The following PRMT8 variants were observed in gnomAD, a reference collection of about 807,000 sequenced individuals.
PRMT8 encodes protein arginine N-methyltransferase 8.
Under a neutral mutation model 47.1 loss-of-function variants are expected in PRMT8, and 7 were observed. The observed-to-expected ratio is 0.15, with a 90% CI of 0.08 to 0.28. The LOEUF (loss-of-function observed/expected upper bound fraction) is 0.28, where lower values mean the gene tolerates loss of function less well. PRMT8 is among the 10% of genes least tolerant of loss of function. PRMT8 has a pLI of 1.00. For missense variants in PRMT8, 237 were observed against 505.4 expected, an observed-to-expected ratio of 0.47 and a Z score of 5.09; for synonymous variants, 188 against 186.5, an observed-to-expected ratio of 1.01 and a Z score of -0.07.
intron 1 of PRMT8, among the ~76,000 whole-genome samples, chr12:3,472,245 G>A (rs1248521367): frequency 3.3e-5 from 5 of 152,184 alleles, no homozygotes. Flanking sequence ...GCTTCCCCAG[G>A]GCCTCTGTTT....
chr12:3,426,154 C>T (rs1039304266), intron 1 of PRMT8, among the ~76,000 whole-genome samples: 2 of 152,198 alleles, frequency 1.3e-5, no homozygotes, highest in African/African-American at 4.8e-5. Context: ...GACTGGAGGA[C>T]CACCCTAGTG....
At position 3,592,297 on chromosome 12, in the gene PRMT8, G is replaced by A. The variant is rs745561387; in HGVS notation, c.1046G>A (p.Arg349Gln). ...VFYLEDYLTV[R>Q]RGEEIYGTIS... Reference sequence around the variant, plus strand: ...TACTTGGAAGATTACCTCACTGTCCGGAGGGGGGAGGAAATCTACGGGACC... The same window carrying A: ...TACTTGGAAGATTACCTCACTGTCCAGAGGGGGGAGGAAATCTACGGGACC... Residue 349 changes from arginine to glutamine, a missense_variant, in exon 9 of 10, where the codon CGG (arginine) becomes CAG (glutamine). This residue lies in a region of PRMT8 where 151 missense variants were observed against 341.1 expected (regional missense o/e 0.44). Transcript: ENST00000382622. The A allele has an allele frequency of 1.2e-4, 192 of 1,597,818 alleles. No individual in the cohort carries two copies. Among genetic ancestry groups the A allele is most frequent in the Non-Finnish European group, 1.5e-4 (180 of 1,173,486 alleles).
chr12:3,569,526 C>T lies in PRMT8; in HGVS notation c.674C>T (p.Ala225Val), dbSNP rs766912206. The T allele has an allele frequency of 1.2e-6, 2 of 1,614,144 alleles. No individual in the cohort carries two copies. The highest frequency in any genetic ancestry group is 1.3e-5 in the African/African-American group (1 of 75,018). The change falls in exon 6 of 10, where the codon GCG becomes GTG. Residue 225 changes from alanine to valine, a missense_variant. Physicochemically the swap from Ala to Val is moderately conservative, Grantham distance 64. Around this residue, in one of 5 missense-constraint regions of PRMT8, gnomAD observed 151 missense variants for 341.1 expected, o/e 0.44. Transcript: ENST00000382622. The surrounding 1 kb of genome is among the most constrained non-coding windows in gnomAD (Gnocchi z 8.2). ...FPDRAALYVV[A>V]IEDRQYKDFK... The stretch of plus-strand genomic sequence containing the variant: ...GACCGGGCAGCTTTGTACGTGGTAG[C>T]GATTGAAGACAGACAGTACAAGGAC...
rs1867038621 is a variant in PRMT8, at chr12:3,580,402, C to T, written c.829-2656C>T. ...CATGCGGGATAGAAGGAGAAAGTAA[C>T]CACGTCTAGATTGTAAGCCATAAGG... On this transcript the variant is annotated intron_variant, in intron 7 of 9. Transcript: ENST00000382622. This position sits in a 1 kb window ranked among gnomAD's most constrained non-coding sequence, Gnocchi z 4.6. Among the ~76,000 whole-genome samples, 3 of 151,442 alleles carry T rather than the reference C, an allele frequency of 2.0e-5. No individual in the cohort carries two copies. Among genetic ancestry groups the T allele is most frequent in the African/African-American group, 7.3e-5 (3 of 41,208 alleles).
At chr12:3,518,104 G>C (rs767501331) in intron 1 of PRMT8, among the ~76,000 whole-genome samples, 3 of 151,902 alleles carry the variant, frequency 2.0e-5, no homozygotes, top group African/African-American at 4.8e-5. Flanking sequence ...TCCCCAACAC[G>C]CTTGCCCCCC....
chr12:3,538,014 C>T lies in PRMT8; in HGVS notation c.76-2592C>T, dbSNP rs955607863. ...GTTGTCTTTTGTATTTAATTACGAC[C>T]TCTTAGCCTGGCCATAATTTCCTTT... On this transcript the variant is annotated intron_variant, in intron 1 of 9. Transcript: ENST00000382622. The surrounding 1 kb of genome is among the most constrained non-coding windows in gnomAD (Gnocchi z 4.6). Among the ~76,000 whole-genome samples, 5 of 152,138 alleles carry T rather than the reference C, an allele frequency of 3.3e-5. No homozygotes were observed. Among genetic ancestry groups the T allele is most frequent in the African/African-American group, 1.2e-4 (5 of 41,408 alleles).
At chr12:3,581,749 G>T (rs1436582573) in intron 7 of PRMT8, among the ~76,000 whole-genome samples, 1 of 152,136 alleles carries the variant, frequency 6.6e-6, no homozygotes, top group Non-Finnish European at 1.5e-5. Flanking sequence ...GAGAGCTTCA[G>T]CTTCCACAGA....
rs1866945182 is a variant in PRMT8 at position 3,576,387 on chromosome 12, A to G, written c.713-484A>G. Among the ~76,000 whole-genome samples, 2 of 152,224 alleles carry G rather than the reference A, an allele frequency of 1.3e-5. No individual in the cohort carries two copies. The highest frequency in any genetic ancestry group is 1.3e-4 in the Admixed American group (2 of 15,282). On this transcript the variant is annotated intron_variant, in intron 6 of 9. Transcript: ENST00000382622. The surrounding 1 kb of genome is among the most constrained non-coding windows in gnomAD (Gnocchi z 4.0). ...AAAAGCCCATGATTCTCTGTGCTGC[A>G]TTAAAGGTTCAGTGGATGGGGACAG...
chr12:3,475,776 G>A (rs12826471), intron 1 of PRMT8, among the ~76,000 whole-genome samples: 18,514 of 151,040 alleles, frequency 0.12, 1,321 homozygotes, highest in Non-Finnish European at 0.16. Flanking sequence ...GGGGGGCCTC[G>A]GCTGCTGATT....
At chr12:3,521,739 A>G (rs758649042) in intron 1 of PRMT8, among the ~76,000 whole-genome samples, 1 of 152,222 alleles carries the variant, frequency 6.6e-6, no homozygotes, top group Non-Finnish European at 1.5e-5. Context: ...TCATTCAAGT[A>G]AATTTTACAA....
In PRMT8 at chr12:3,578,365, C is replaced by T. The variant is rs77976450; in HGVS notation, c.828+1379C>T. Among the ~76,000 whole-genome samples the T allele has an allele frequency of 1.4e-4, 21 of 152,194 alleles. No homozygotes were observed. In the South Asian group the frequency reaches 1.5e-3, roughly 11 times the overall value. ...TTAGCCTCCTGAGTAGCTGAAACTA[C>T]GGCTACGTGCCACCAGGCATGGCTA... On this transcript the variant is annotated intron_variant, in intron 7 of 9. Coordinates refer to ENST00000382622, the MANE Select transcript of PRMT8 (RefSeq NM_019854.5).
At chr12:3,433,115 G>T (rs1864700912) in intron 1 of PRMT8, among the ~76,000 whole-genome samples, 1 of 152,172 alleles carries the variant, frequency 6.6e-6, no homozygotes, top group African/African-American at 2.4e-5. Flanking sequence ...AATGCTTGGT[G>T]GTAGCTTACT....
intron 1 of PRMT8, among the ~76,000 whole-genome samples, chr12:3,445,607 A>T (rs1864848000): frequency 6.6e-6 from 1 of 152,230 alleles, no homozygotes; most frequent in Non-Finnish European, 1.5e-5. Context: ...CACAGGGATC[A>T]GGGCAATGCT....
chr12:3,405,343 T>A (rs1046254712), intron 1 of PRMT8, among the ~76,000 whole-genome samples: 12 of 152,288 alleles, frequency 7.9e-5, no homozygotes, highest in African/African-American at 2.9e-4. Flanking sequence ...GGAATTACAA[T>A]TCAAGATGAG....
At chr12:3,381,654 T>C (rs10848860) in intron 1 of PRMT8, among the ~76,000 whole-genome samples, 91,305 of 152,088 alleles carry the variant, frequency 0.6, 30,897 homozygotes, top group East Asian at 0.91. Flanking sequence ...TTGTTTCAAT[T>C]AAACTTTTAA....
rs1866780272 is a variant in PRMT8 at position 3,568,691 on chromosome 12, G to A, written c.482-15G>A. 6.2e-7 allele frequency: 1 copy of A among 1,614,014 alleles called. No individual in the cohort carries two copies. Among genetic ancestry groups the A allele is most frequent in the Admixed American group, 1.7e-5 (1 of 59,996 alleles). On this transcript the variant is annotated splice_polypyrimidine_tract_variant and intron_variant, in intron 4 of 9. Coordinates refer to ENST00000382622, the MANE Select transcript of PRMT8 (RefSeq NM_019854.5). ...GGTCCCTGCAAAGTATGGCCCTGGG[G>A]TTCTTATTTTCCAGTCATCACCATA...
In PRMT8 at chr12:3,578,668, G is replaced by A. The variant is rs115180731; in HGVS notation, c.828+1682G>A. On this transcript the variant is annotated intron_variant, in intron 7 of 9. Transcript: ENST00000382622. Reference sequence around the variant, plus strand: ...TGGAATATTTATAGTAGGATAAAGGGATTGGAGTTCAGGGCCACTAAGGAC... The same window carrying A: ...TGGAATATTTATAGTAGGATAAAGGAATTGGAGTTCAGGGCCACTAAGGAC... 7.6e-3 allele frequency among the ~76,000 whole-genome samples: 1,152 copies of A among 152,300 alleles called. 17 individuals carry two copies. Among genetic ancestry groups the A allele is most frequent in the African/African-American group, 0.026 (1,089 of 41,552 alleles).
At chr12:3,391,633 G>A (rs796320999) in intron 1 of PRMT8, among the ~76,000 whole-genome samples, 11 of 152,308 alleles carry the variant, frequency 7.2e-5, no homozygotes, top group African/African-American at 2.6e-4. Context: ...GGATTCGGGC[G>A]GAGGAGGGAT....
At chr12:3,565,181 A>T (rs1441045159) in intron 4 of PRMT8, among the ~76,000 whole-genome samples, 1 of 152,178 alleles carries the variant, frequency 6.6e-6, no homozygotes, top group East Asian at 1.9e-4. Flanking sequence ...AGAATGCCTT[A>T]CACATAACAA....
Sources: allele counts gnomAD v4.1 joint callset (sites outside exome capture counted in the v4.1 genomes callset), GRCh38; gene constraint gnomAD v4.1.1; regional missense constraint gnomAD v4.1.1; non-coding constraint Gnocchi (gnomAD v3.1); transcripts MANE v1.5; gene names NCBI Gene and HGNC (gene_info 2026-07-23, HGNC 2026-07-21).